NTN1: variants seen among roughly 807,000 people sequenced by gnomAD.
NTN1 encodes the protein netrin 1.
NTN1 carries 11 observed loss-of-function variants against 54.2 expected under a neutral mutation model. The observed-to-expected ratio is 0.20, with a 90% CI of 0.13 to 0.34. The LOEUF is 0.34. Ranked by LOEUF, NTN1 falls within the 10% of genes least tolerant of loss-of-function variation. The probability of loss-of-function intolerance (pLI) is 1.00; values close to 1 mark genes in which losing one functional copy is unlikely to be tolerated. For synonymous variants in NTN1, 371 were observed against 382.0 expected (o/e 0.97, Z 0.33); for missense variants, 740 against 893.1 (o/e 0.83, Z 2.18).
chr17:9,227,038 C>T (rs936549244), intron 6 of NTN1, among the ~76,000 whole-genome samples: 1 of 152,120 alleles, frequency 6.6e-6, no homozygotes, highest in Admixed American at 6.6e-5. Context: ...TTCCCGTCTC[C>T]CTTCCAACCT....
chr17:9,148,526 A>G (rs968610453), intron 2 of NTN1, among the ~76,000 whole-genome samples: 6 of 152,210 alleles, frequency 3.9e-5, no homozygotes, highest in African/African-American at 7.2e-5. Context: ...TAGCACTGAC[A>G]TGCCAGTCTT....
chr17:9,055,458 A>C (rs2091976002), intron 2 of NTN1, among the ~76,000 whole-genome samples: 1 of 152,224 alleles, frequency 6.6e-6, no homozygotes, highest in Non-Finnish European at 1.5e-5. Context: ...GGAGGGCAGC[A>C]TTTAGACAAG....
At chr17:9,215,264 C>A (rs373397816) in intron 5 of NTN1, among the ~76,000 whole-genome samples, 9 of 145,946 alleles carry the variant, frequency 6.2e-5, no homozygotes, top group African/African-American at 2.0e-4. Context: ...CACACACACA[C>A]ACACACACAC....
At chr17:9,043,503 T>C (rs1191813636) in intron 2 of NTN1, among the ~76,000 whole-genome samples, 2 of 152,202 alleles carry the variant, frequency 1.3e-5, no homozygotes, top group East Asian at 3.8e-4. Flanking sequence ...CGGGTTCTTT[T>C]ATCCACTATT....
chr17:9,013,770 G>GC, the NTN1 span, among the ~76,000 whole-genome samples: 1 of 152,080 alleles, frequency 6.6e-6, no homozygotes, highest in Non-Finnish European at 1.5e-5. Context: ...TGGCTCAGAG[G>GC]CCCCCCACTA....
At chr17:9,082,624 G>A (rs186311232) in intron 2 of NTN1, among the ~76,000 whole-genome samples, 6 of 152,244 alleles carry the variant, frequency 3.9e-5, no homozygotes, top group Admixed American at 3.3e-4. Flanking sequence ...TGCTGCAGAC[G>A]CCGGGCCGGG....
intron 2 of NTN1, among the ~76,000 whole-genome samples, chr17:9,045,109 G>A (rs1297504425): frequency 1.3e-5 from 2 of 152,178 alleles, no homozygotes; most frequent in Non-Finnish European, 2.9e-5. Context: ...TGCCAGGGAT[G>A]GAATTAACTG....
rs1567743010 is a variant in NTN1 at position 9,221,159 on chromosome 17, C to CCCCCCCCCA, written c.1412-6_1412-5insCCCCCACCC. On this transcript the variant is annotated splice_polypyrimidine_tract_variant and intron_variant, in intron 5 of 6. Transcript: ENST00000173229. This position sits in a 1 kb window ranked among gnomAD's most constrained non-coding sequence, Gnocchi z 4.5. ...TTTTTGTCTGTGCTCCCCCCCCACC[C>CCCCCCCCCA]CCCTGCAGACTGCGATTCCTACTGC... The CCCCCCCCCA allele has an allele frequency of 1.3e-6, 2 of 1,581,190 alleles. No homozygotes were observed. The highest frequency in any genetic ancestry group is 1.1e-5 in the South Asian group (1 of 90,368).
chr17:9,200,891 C>A (rs1392386492), intron 5 of NTN1, among the ~76,000 whole-genome samples: 4 of 152,182 alleles, frequency 2.6e-5, no homozygotes, highest in African/African-American at 4.8e-5. Context: ...ACCAACATAA[C>A]CTTTGGTGGG....
At chr17:9,173,964 G>T (rs920035003) in intron 3 of NTN1, 33 of 152,358 alleles carry the variant, frequency 2.2e-4, no homozygotes, top group Admixed American at 1.8e-3. Context: ...GGAACAGAGG[G>T]CACCCCCTGC....
intron 2 of NTN1, among the ~76,000 whole-genome samples, chr17:9,122,567 A>G (rs907132835): frequency 6.6e-6 from 1 of 152,206 alleles, no homozygotes; most frequent in African/African-American, 2.4e-5. Context: ...GTTGTTAGGC[A>G]TCGCCCAGCC....
chr17:9,181,042 G>A (rs2092417709), intron 4 of NTN1, among the ~76,000 whole-genome samples: 1 of 152,180 alleles, frequency 6.6e-6, no homozygotes, highest in Non-Finnish European at 1.5e-5. Flanking sequence ...GAAATGGTTG[G>A]AACCAACATT....
intron 2 of NTN1, among the ~76,000 whole-genome samples, chr17:9,161,882 A>C (rs558025219): frequency 3.3e-5 from 5 of 152,146 alleles, no homozygotes; most frequent in Non-Finnish European, 7.4e-5. Context: ...GCAGGATGGT[A>C]AGGAGTGAAT....
chr17:9,091,827 T>C (rs2092111912), intron 2 of NTN1, among the ~76,000 whole-genome samples: 1 of 152,096 alleles, frequency 6.6e-6, no homozygotes, highest in South Asian at 2.1e-4. Context: ...TCTCCAGAAC[T>C]TTTTCAACTT....
At chr17:9,174,131 G>A (rs954245604) in intron 3 of NTN1, 2 of 152,322 alleles carry the variant, frequency 1.3e-5, no homozygotes, top group African/African-American at 4.8e-5. Context: ...TCTGTGAGCT[G>A]TGAGACCTGT....
At chr17:9,016,950 C>G (rs2091833234), upstream of NTN1, among the ~76,000 whole-genome samples, 1 of 152,114 alleles carries the variant, frequency 6.6e-6, no homozygotes. Flanking sequence ...AAGCATTATC[C>G]TCTTCTCTCT....
intron 2 of NTN1, among the ~76,000 whole-genome samples, chr17:9,028,190 A>T (rs1419235025): frequency 6.6e-6 from 1 of 152,276 alleles, no homozygotes; most frequent in East Asian, 1.9e-4. Context: ...ACTGGAACGT[A>T]TTGAAAAAAT....
intron 6 of NTN1, among the ~76,000 whole-genome samples, chr17:9,230,818 C>T (rs1044334776): frequency 3.3e-5 from 5 of 152,194 alleles, no homozygotes; most frequent in Admixed American, 6.5e-5. Context: ...CCTGGAGCTT[C>T]CTCTTGTCTC....
intron 2 of NTN1, among the ~76,000 whole-genome samples, chr17:9,149,126 GGAAATGA>G (rs2092320881): frequency 6.6e-6 from 1 of 152,074 alleles, no homozygotes; most frequent in African/African-American, 2.4e-5. Flanking sequence ...ATTACAGATG[GGAAATGA>G]CTCCAGGGAG....
Sources: allele counts gnomAD v4.1 joint callset (sites outside exome capture counted in the v4.1 genomes callset), GRCh38; gene constraint gnomAD v4.1.1; non-coding constraint Gnocchi (gnomAD v3.1); transcripts MANE v1.5; gene names NCBI Gene and HGNC (gene_info 2026-07-23, HGNC 2026-07-21).